The following TSHZ3 variants were observed in gnomAD, a reference collection of about 807,000 sequenced individuals.
TSHZ3 encodes teashirt zinc finger homeobox 3.
In TSHZ3, 10 loss-of-function variants were observed where a neutral mutation model predicts 64.5. The observed-to-expected ratio is 0.16, with a 90% CI of 0.10 to 0.26. TSHZ3 has a LOEUF of 0.26. Among genes scored for constraint, TSHZ3 ranks in the 10% least tolerant of loss-of-function variants. The pLI is 1.00. For synonymous variants in TSHZ3, 608 were observed against 593.1 expected, an observed-to-expected ratio of 1.03 and a Z score of -0.36; for missense variants, 1,242 against 1,421.7, an observed-to-expected ratio of 0.87 and a Z score of 2.03.
At chr19:31,166,776 G>C (rs1182461905) in intron 5 of TSHZ3, among the ~76,000 whole-genome samples, 1 of 152,130 alleles carries the variant, frequency 6.6e-6, no homozygotes, top group Non-Finnish European at 1.5e-5. Context: ...AAGACTATAT[G>C]CCCCTACGGC....
chr19:31,298,783 G>GA (rs137872874), intron 1 of TSHZ3, among the ~76,000 whole-genome samples: 6,605 of 151,932 alleles, frequency 0.043, 263 homozygotes, highest in African/African-American at 0.11. Context: ...CTGGAATTGG[G>GA]AAAAAAAAGC....
chr19:31,209,647 C>A (rs1414254547), intron 4 of TSHZ3, among the ~76,000 whole-genome samples: 2 of 152,162 alleles, frequency 1.3e-5, no homozygotes, highest in East Asian at 3.9e-4. Context: ...CATGCCTTAT[C>A]TCATTTAGTT....
chr19:31,331,186 G>A (rs955356528), intron 1 of TSHZ3, among the ~76,000 whole-genome samples: 19 of 152,246 alleles, frequency 1.2e-4, no homozygotes, highest in Admixed American at 7.8e-4. Flanking sequence ...GAGGGCACGC[G>A]GGGAATGTGG....
intron 1 of TSHZ3, among the ~76,000 whole-genome samples, chr19:31,287,648 AGGC>A (rs1376270638): frequency 6.6e-6 from 1 of 152,130 alleles, no homozygotes; most frequent in Non-Finnish European, 1.5e-5. Context: ...GGGGAGAGAG[AGGC>A]CACCAAAGGG....
At chr19:31,258,931 C>T (rs1023924270) in intron 1 of TSHZ3, among the ~76,000 whole-genome samples, 5 of 152,174 alleles carry the variant, frequency 3.3e-5, no homozygotes, top group Non-Finnish European at 5.9e-5. Flanking sequence ...CTGTGAGTCC[C>T]GGCAGGTCTG....
intron 1 of TSHZ3, among the ~76,000 whole-genome samples, chr19:31,312,632 C>G (rs536253843): frequency 6.6e-6 from 1 of 152,150 alleles, no homozygotes; most frequent in Non-Finnish European, 1.5e-5. Flanking sequence ...AGTCAGTGTT[C>G]GCTGAAATCC....
At chr19:31,227,305 T>C (rs1243872718) in intron 4 of TSHZ3, among the ~76,000 whole-genome samples, 2 of 151,636 alleles carry the variant, frequency 1.3e-5, no homozygotes, top group Middle Eastern at 3.2e-3. Context: ...AATTGTCTGG[T>C]CATATGACAG....
chr19:31,265,586 T>G (rs949123310), intron 1 of TSHZ3, among the ~76,000 whole-genome samples: 1 of 152,198 alleles, frequency 6.6e-6, no homozygotes, highest in Admixed American at 6.5e-5. Flanking sequence ...TTTAGCAAAC[T>G]GAGGCCAGAC....
intron 1 of TSHZ3, among the ~76,000 whole-genome samples, chr19:31,326,650 G>T (rs1754125355): frequency 6.6e-6 from 1 of 152,234 alleles, no homozygotes; most frequent in African/African-American, 2.4e-5. Flanking sequence ...GGAGTGTGAA[G>T]CAACCATCTT....
chr19:31,325,313 G>C (rs552056364), intron 1 of TSHZ3, among the ~76,000 whole-genome samples: 1 of 152,194 alleles, frequency 6.6e-6, no homozygotes, highest in Non-Finnish European at 1.5e-5. Context: ...TCCATCCAAT[G>C]AGGCTGTCCC....
At chr19:31,337,897 T>C (rs1189932105) in intron 1 of TSHZ3, among the ~76,000 whole-genome samples, 1 of 152,184 alleles carries the variant, frequency 6.6e-6, no homozygotes, top group Non-Finnish European at 1.5e-5. Context: ...AAATTCTAGA[T>C]TCTCATTTCT....
At chr19:31,345,409 G>A (rs561530546) in intron 1 of TSHZ3, among the ~76,000 whole-genome samples, 222 of 152,318 alleles carry the variant, frequency 1.5e-3, no homozygotes, top group Non-Finnish European at 2.6e-3. Context: ...GACTTAGGAA[G>A]GTGTCATCTG....
At chr19:31,254,311 T>A (rs1461599364) in intron 1 of TSHZ3, among the ~76,000 whole-genome samples, 1 of 152,150 alleles carries the variant, frequency 6.6e-6, no homozygotes, top group East Asian at 1.9e-4. Context: ...CCCAAGGGTG[T>A]ACACGTTCTG....
chr19:31,345,258 C>A (rs1429175859), intron 1 of TSHZ3, among the ~76,000 whole-genome samples: 2 of 152,210 alleles, frequency 1.3e-5, no homozygotes, highest in Admixed American at 1.3e-4. Flanking sequence ...GAGTAGAATA[C>A]CTGTCCAAGG....
chr19:31,252,679 G>T (rs1284501803), intron 1 of TSHZ3, among the ~76,000 whole-genome samples: 2 of 152,166 alleles, frequency 1.3e-5, no homozygotes, highest in Non-Finnish European at 2.9e-5. Context: ...CTTCTGCCAT[G>T]ATTGTAAGTT....
chr19:31,289,149 C>T (rs906639225), intron 1 of TSHZ3, among the ~76,000 whole-genome samples: 1 of 152,212 alleles, frequency 6.6e-6, no homozygotes, highest in African/African-American at 2.4e-5. Context: ...GGCTGTGCTC[C>T]ACACAGCTCC....
intron 1 of TSHZ3, among the ~76,000 whole-genome samples, chr19:31,265,397 CAAA>C (rs11432951): frequency 4.7e-4 from 16 of 34,276 alleles, no homozygotes; most frequent in African/African-American, 1.6e-3. Context: ...AACTCTGTCT[CAAA>C]AAAAAAAAAA....
chr19:31,320,348 A>T (rs1196630771), intron 1 of TSHZ3, among the ~76,000 whole-genome samples: 1 of 152,166 alleles, frequency 6.6e-6, no homozygotes, highest in East Asian at 1.9e-4. Flanking sequence ...ATCTACCCAT[A>T]TAATATCACT....
intron 1 of TSHZ3, among the ~76,000 whole-genome samples, chr19:31,306,841 T>C (rs1175528222): frequency 2.0e-5 from 3 of 152,180 alleles, no homozygotes; most frequent in Non-Finnish European, 4.4e-5. Context: ...AGTTAGCTAG[T>C]ATACTCATTT....
Sources: allele counts gnomAD v4.1 joint callset (sites outside exome capture counted in the v4.1 genomes callset), GRCh38; gene constraint gnomAD v4.1.1; transcripts MANE v1.5; gene names NCBI Gene and HGNC (gene_info 2026-07-23, HGNC 2026-07-21).